Variants in DENND1A observed in about 807,000 individuals in gnomAD.
DENND1A encodes the protein DENN domain-containing protein 1A.
DENND1A carries 51 observed loss-of-function variants against 113.7 expected under a neutral mutation model. That is an observed-to-expected ratio of 0.45 (90% CI 0.36 to 0.57). DENND1A has a LOEUF of 0.57. Ranked by LOEUF, DENND1A falls within the 20% of genes least tolerant of loss-of-function variation. The pLI is 0.00. For synonymous variants in DENND1A, 565 were observed against 570.8 expected, an observed-to-expected ratio of 0.99 and a Z score of 0.14; for missense variants, 1,258 against 1,395.9, an observed-to-expected ratio of 0.90 and a Z score of 1.57.
intron 10 of DENND1A, among the ~76,000 whole-genome samples, chr9:123,610,861 A>G (rs2137774036): frequency 6.6e-6 from 1 of 152,344 alleles, no homozygotes; most frequent in Middle Eastern, 3.4e-3. Flanking sequence ...AAAGCAATGG[A>G]TAGGCAAGGG....
intron 13 of DENND1A, among the ~76,000 whole-genome samples, chr9:123,501,136 C>T (rs985154945): frequency 1.3e-5 from 2 of 152,174 alleles, no homozygotes; most frequent in Non-Finnish European, 2.9e-5. Context: ...AACCACCTGT[C>T]CACTGTCTGT....
chr9:123,613,373 C>T (rs908473701), intron 10 of DENND1A, among the ~76,000 whole-genome samples: 23 of 152,036 alleles, frequency 1.5e-4, no homozygotes, highest in African/African-American at 5.5e-4. Flanking sequence ...ATTCAGAATC[C>T]AACACATCTG....
intron 18 of DENND1A, among the ~76,000 whole-genome samples, chr9:123,449,762 A>G (rs1002227090): frequency 6.6e-6 from 1 of 152,174 alleles, no homozygotes; most frequent in African/African-American, 2.4e-5. Flanking sequence ...CAAACATTGT[A>G]TGTTATCACT....
intron 9 of DENND1A, among the ~76,000 whole-genome samples, chr9:123,644,396 A>AC (rs975746709): frequency 1.3e-5 from 2 of 148,528 alleles, no homozygotes; most frequent in Non-Finnish European, 3.0e-5. Context: ...AAAAAAAAAA[A>AC]AAAAAACCTC....
intron 5 of DENND1A, among the ~76,000 whole-genome samples, chr9:123,688,441 G>A (rs2064957304): frequency 6.6e-6 from 1 of 152,196 alleles, no homozygotes; most frequent in Non-Finnish European, 1.5e-5. Flanking sequence ...ACTGAGTAGA[G>A]AGTGGAATAT....
At chr9:123,538,519 G>A (rs2055972540) in intron 13 of DENND1A, among the ~76,000 whole-genome samples, 1 of 151,916 alleles carries the variant, frequency 6.6e-6, no homozygotes, top group South Asian at 2.1e-4. Context: ...GGAACCTCTT[G>A]TAATATCAGA....
At chr9:123,617,830 T>G (rs1301425014) in intron 10 of DENND1A, among the ~76,000 whole-genome samples, 1 of 151,298 alleles carries the variant, frequency 6.6e-6, no homozygotes, top group Non-Finnish European at 1.5e-5. Flanking sequence ...AAGCAGCCCA[T>G]GAGAGCCTGT....
intron 3 of DENND1A, among the ~76,000 whole-genome samples, chr9:123,788,219 A>C (rs1292505372): frequency 6.6e-6 from 1 of 152,144 alleles, no homozygotes; most frequent in Non-Finnish European, 1.5e-5. Flanking sequence ...ACATTTCAAA[A>C]CGGTATGTGT....
intron 2 of DENND1A, among the ~76,000 whole-genome samples, chr9:123,858,269 C>A (rs554874325): frequency 6.6e-6 from 1 of 152,126 alleles, no homozygotes; most frequent in South Asian, 2.1e-4. Context: ...TTGCAGTAGT[C>A]GACATAGTCG....
chr9:123,795,457 C>T (rs1223469146), intron 2 of DENND1A, among the ~76,000 whole-genome samples: 4 of 152,284 alleles, frequency 2.6e-5, no homozygotes, highest in South Asian at 2.1e-4. Flanking sequence ...ACACAACACC[C>T]GCCTTACTAA....
intron 19 of DENND1A, among the ~76,000 whole-genome samples, chr9:123,419,798 C>T: frequency 6.6e-6 from 1 of 152,348 alleles, no homozygotes; most frequent in South Asian, 2.1e-4. Flanking sequence ...CTTGCAGGCA[C>T]AGCTCTCACC....
intron 5 of DENND1A, among the ~76,000 whole-genome samples, chr9:123,710,925 G>A (rs1019954316): frequency 2.0e-5 from 3 of 151,798 alleles, no homozygotes; most frequent in East Asian, 3.9e-4. Context: ...CACCTGCCTC[G>A]GCCTCTCAAT....
intron 8 of DENND1A, 51 bp downstream of exon 8, chr9:123,666,975 G>A (rs1224282514): frequency 6.8e-7 from 1 of 1,480,814 alleles, no homozygotes; most frequent in Non-Finnish European, 9.1e-7. Context: ...CAAATAGGCA[G>A]AAAACAGAGA....
In DENND1A at chr9:123,496,585, G is replaced by A. The variant is rs547686355; in HGVS notation, c.994-38688C>T. Among the ~76,000 whole-genome samples, 8 of 152,272 alleles carry A rather than the reference G, an allele frequency of 5.3e-5. No individual in the cohort carries two copies. In the East Asian group the frequency reaches 5.8e-4, roughly 11 times the overall value. ...CACTTTGTTAATTACCAAAGCTGCCGTCCACAAATTAGAACTTCTGCTGGA... is the reference window on the plus strand; with the variant it reads ...CACTTTGTTAATTACCAAAGCTGCCATCCACAAATTAGAACTTCTGCTGGA... On this transcript the variant is annotated intron_variant, in intron 13 of 23. Transcript: ENST00000394215.
At chr9:123,853,113 T>G (rs1189626480) in intron 2 of DENND1A, among the ~76,000 whole-genome samples, 1 of 151,486 alleles carries the variant, frequency 6.6e-6, no homozygotes. Context: ...AGACACGAGG[T>G]TTCACCATGT....
intron 3 of DENND1A, among the ~76,000 whole-genome samples, chr9:123,791,148 C>T (rs115880302): frequency 7.3e-4 from 111 of 152,266 alleles, no homozygotes; most frequent in African/African-American, 2.6e-3. Context: ...TTCCCTCTCA[C>T]TGAGAATTCA....
rs985621973 is a variant in DENND1A, at chr9:123,859,202, A to G, written c.88+19749T>C. 3.3e-5 allele frequency among the ~76,000 whole-genome samples: 5 copies of G among 152,346 alleles called. No homozygotes were observed. The East Asian group carries it at 9.6e-4, about 29-fold the overall frequency. On this transcript the variant is annotated intron_variant, in intron 2 of 23. Transcript: ENST00000394215. ...AGTATACAGTTTTCTGTATGCTAAC[A>G]AAATAGGCTTACACTTTTCTACATA...
At chr9:123,720,645 TA>T (rs1162493753) in intron 5 of DENND1A, among the ~76,000 whole-genome samples, 1 of 152,250 alleles carries the variant, frequency 6.6e-6, no homozygotes, top group Non-Finnish European at 1.5e-5. Flanking sequence ...CTTTTCAGAC[TA>T]ATCTTAGCAG....
At chr9:123,766,916 T>C (rs1828915983) in intron 4 of DENND1A, among the ~76,000 whole-genome samples, 1 of 152,228 alleles carries the variant, frequency 6.6e-6, no homozygotes, top group Non-Finnish European at 1.5e-5. Flanking sequence ...TGATATAGAC[T>C]AGAAATGTCA....
Sources: gnomAD v4.1 joint callset for allele counts (sites outside exome capture counted in the v4.1 genomes callset) on GRCh38, gnomAD v4.1.1 for gene constraint, MANE v1.5 for transcripts, NCBI Gene and HGNC (gene_info 2026-07-23, HGNC 2026-07-21) for gene names.